ADAMTS6: variants seen among roughly 807,000 people sequenced by gnomAD.
The protein encoded by ADAMTS6 is ADAM metallopeptidase with thrombospondin type 1 motif 6, also known as A disintegrin and metalloproteinase with thrombospondin motifs 6.
ADAMTS6 carries 23 observed loss-of-function variants against 144.3 expected under a neutral mutation model. The observed-to-expected ratio is 0.16, with a 90% confidence interval of 0.11 to 0.23. ADAMTS6 has a LOEUF of 0.23. ADAMTS6 is among the 10% of genes least tolerant of loss of function. The pLI, the probability that ADAMTS6 is intolerant of heterozygous loss-of-function variation, is 1.00. For synonymous variants in ADAMTS6, 444 were observed against 457.5 expected (o/e 0.97, Z 0.38); for missense variants, 999 against 1,379.6 (o/e 0.72, Z 4.37).
chr5:65,445,327 G>GT lies in ADAMTS6; in HGVS notation c.1073+6147dup, dbSNP rs894583769. Among the ~76,000 whole-genome samples, 3 of 152,064 alleles carry GT rather than the reference G, an allele frequency of 2.0e-5. No homozygotes were observed. In the East Asian group the frequency reaches 5.8e-4, roughly 29 times the overall value. ...TAACTGTCAATGGCATGCTCTTTCAGTTTTTTTGTGGTTTGTTTTTTGTTT... is the reference window on the plus strand; with the variant it reads ...TAACTGTCAATGGCATGCTCTTTCAGTTTTTTTTGTGGTTTGTTTTTTGTTT... On this transcript the variant is annotated intron_variant, in intron 7 of 24. Coordinates refer to ENST00000381055, the MANE Select transcript of ADAMTS6 (RefSeq NM_197941.4).
At chr5:65,456,280 GTTACACATGCTTTGCTCAATTTA>G (rs1759197327) in intron 4 of ADAMTS6, among the ~76,000 whole-genome samples, 1 of 152,080 alleles carries the variant, frequency 6.6e-6, no homozygotes, top group Non-Finnish European at 1.5e-5. Flanking sequence ...AATGATACCT[GTTACACATGCTTTGCTCAATTTA>G]ATTTTGATTA....
intron 24 of ADAMTS6, among the ~76,000 whole-genome samples, chr5:65,163,110 A>C (rs1752888971): frequency 6.6e-6 from 1 of 152,102 alleles, no homozygotes; most frequent in Non-Finnish European, 1.5e-5. Flanking sequence ...GTGTCTCACT[A>C]TGCTGCCCAG....
chr5:65,357,383 G>A (rs1282371919), intron 7 of ADAMTS6, among the ~76,000 whole-genome samples: 1 of 151,420 alleles, frequency 6.6e-6, no homozygotes, highest in Non-Finnish European at 1.5e-5. Context: ...TAAGAGGAAA[G>A]TATATAGCAA....
chr5:65,291,448 C>A lies in ADAMTS6; in HGVS notation c.1393G>T (p.Asp465Tyr). 1 of 1,613,776 alleles carries A rather than the reference C, an allele frequency of 6.2e-7. No homozygotes were observed. Among genetic ancestry groups the A allele is most frequent in the Non-Finnish European group, 8.5e-7 (1 of 1,179,816 alleles). Residue 465 changes from aspartate (D) to tyrosine (Y), a missense_variant, in exon 11 of 25, where the codon GAT (aspartate) becomes TAT (tyrosine). Around this residue, in one of 3 missense-constraint regions of ADAMTS6, gnomAD observed 619 missense variants for 837.0 expected, o/e 0.74. Coordinates refer to ENST00000381055, the MANE Select transcript of ADAMTS6 (RefSeq NM_197941.4). Reference sequence around the variant, plus strand: ...AAGTCACGCTTGGGAGGCTCATTATCAAGGCAAGTACCACGGCCTGAACTG... The same window carrying A: ...AAGTCACGCTTGGGAGGCTCATTATAAAGGCAAGTACCACGGCCTGAACTG... ...FLDSGRGTCL[D>Y]NEPPKRDFLY...
intron 7 of ADAMTS6, among the ~76,000 whole-genome samples, chr5:65,370,044 T>C (rs1458831239): frequency 6.6e-6 from 1 of 152,174 alleles, no homozygotes; most frequent in African/African-American, 2.4e-5. Flanking sequence ...AAATGAACAG[T>C]ATATACTCTT....
chr5:65,252,888 C>CT (rs1215685370), intron 14 of ADAMTS6, among the ~76,000 whole-genome samples: 2 of 151,936 alleles, frequency 1.3e-5, no homozygotes, highest in Non-Finnish European at 2.9e-5. Context: ...TTTTCTGTTT[C>CT]TTTTTTTCTA....
intron 7 of ADAMTS6, among the ~76,000 whole-genome samples, chr5:65,375,982 A>G (rs891614091): frequency 5.9e-5 from 9 of 152,178 alleles, no homozygotes; most frequent in African/African-American, 1.7e-4. Flanking sequence ...GAAATTGGAA[A>G]TCAGCATTCT....
In ADAMTS6 at chr5:65,326,637, GTAAT is replaced by G. The variant is rs558754264; in HGVS notation, c.1223+2737_1223+2740del. ...AGTTTATGGTCAAATATTCTTCACT[GTAAT>G]TAATCTCCTGATATCATCACGTCAC... On this transcript the variant is annotated intron_variant, in intron 9 of 24. Transcript: ENST00000381055. Among the ~76,000 whole-genome samples, 42 of 152,248 alleles carry G rather than the reference GTAAT, an allele frequency of 2.8e-4. No homozygotes were observed. In the East Asian group the frequency reaches 5.6e-3, roughly 20 times the overall value.
At chr5:65,201,817 AGG>A (rs1295088824) in intron 20 of ADAMTS6, among the ~76,000 whole-genome samples, 1 of 152,220 alleles carries the variant, frequency 6.6e-6, no homozygotes, top group Non-Finnish European at 1.5e-5. Context: ...CTGGTGGCTA[AGG>A]CAACAATTTG....
intron 11 of ADAMTS6, among the ~76,000 whole-genome samples, chr5:65,290,683 A>T (rs757652894): frequency 1.2e-4 from 18 of 152,238 alleles, no homozygotes; most frequent in Non-Finnish European, 2.9e-5. Flanking sequence ...CTTAATAAGA[A>T]CATGTCCACT....
intron 14 of ADAMTS6, among the ~76,000 whole-genome samples, chr5:65,248,722 G>A (rs759795895): frequency 3.9e-5 from 6 of 152,080 alleles, no homozygotes; most frequent in Non-Finnish European, 5.9e-5. Flanking sequence ...GGGTGGCAGA[G>A]GTTGCAGTGA....
Position 65,470,743 on chromosome 5 carries a change from C to T in ADAMTS6, c.462+35G>A, listed in dbSNP as rs769679872. ...ATTTACATTGCAAAATTCTTATTTT[C>T]CCATCAGAAGTTTAAAATTATAGCA... On this transcript the variant is annotated intron_variant, in intron 3 of 24. Coordinates refer to ENST00000381055, the MANE Select transcript of ADAMTS6 (RefSeq NM_197941.4). 2.7e-6 allele frequency: 4 copies of T among 1,504,326 alleles called. No homozygotes were observed. The African/African-American group carries it at 5.8e-5, about 22-fold the overall frequency. The allele number at this position is 1,504,326 out of a possible 1,614,324, so 93.2% of individuals were successfully genotyped here.
intron 1 of ADAMTS6, among the ~76,000 whole-genome samples, chr5:65,477,271 C>A (rs1448292292): frequency 6.6e-6 from 1 of 152,166 alleles, no homozygotes; most frequent in Non-Finnish European, 1.5e-5. Flanking sequence ...ATTAGTCCCT[C>A]ATATACTTTA....
intron 22 of ADAMTS6, among the ~76,000 whole-genome samples, chr5:65,178,299 G>A (rs766276965): frequency 2.0e-5 from 3 of 152,162 alleles, no homozygotes; most frequent in Admixed American, 6.5e-5. Flanking sequence ...CAACTCTCAC[G>A]TCTATTTAGA....
chr5:65,394,650 C>T (rs186490680), intron 7 of ADAMTS6, among the ~76,000 whole-genome samples: 1,546 of 152,254 alleles, frequency 0.01, 16 homozygotes, highest in Middle Eastern at 0.044. Context: ...CAAGTTTCCA[C>T]AGGGCTCTCA....
chr5:65,291,831 T>C (rs766454820), intron 10 of ADAMTS6, among the ~76,000 whole-genome samples: 1 of 152,090 alleles, frequency 6.6e-6, no homozygotes, highest in Non-Finnish European at 1.5e-5. Flanking sequence ...ATTAAAAACA[T>C]GAAATGCAGA....
chr5:65,303,710 AG>A (rs1433191745), intron 9 of ADAMTS6, among the ~76,000 whole-genome samples: 2 of 151,948 alleles, frequency 1.3e-5, no homozygotes, highest in Non-Finnish European at 2.9e-5. Context: ...AAAGTTCTAA[AG>A]GGGAATGAGC....
intron 7 of ADAMTS6, among the ~76,000 whole-genome samples, chr5:65,408,949 A>G (rs1754813099): frequency 6.6e-6 from 1 of 152,222 alleles, no homozygotes; most frequent in South Asian, 2.1e-4. Flanking sequence ...CTTTGAAACC[A>G]ATGAGAACAA....
At chr5:65,470,690 A>ATT in intron 3 of ADAMTS6, 88 bp downstream of exon 3, 11 of 1,012,142 alleles carry the variant, frequency 1.1e-5, no homozygotes, top group South Asian at 4.3e-5. Flanking sequence ...ATATATATAT[A>ATT]TATTTTTTTT....
Sources: gnomAD v4.1 joint callset for allele counts (sites outside exome capture counted in the v4.1 genomes callset) on GRCh38, gnomAD v4.1.1 for gene constraint, gnomAD v4.1.1 regional missense constraint, MANE v1.5 for transcripts, NCBI Gene and HGNC (gene_info 2026-07-23, HGNC 2026-07-21) for gene names.